The following LCOR variants were observed in gnomAD, a reference collection of about 807,000 sequenced individuals.
The protein encoded by LCOR is ligand-dependent corepressor.
A neutral mutation model predicts 64.4 loss-of-function variants in LCOR; 14 were observed. That is an observed-to-expected ratio of 0.22 (90% CI 0.14 to 0.34). The LOEUF (loss-of-function observed/expected upper bound fraction) is 0.34. LCOR is among the 10% of genes least tolerant of loss of function. The pLI is 1.00. For synonymous variants in LCOR, 643 were observed against 642.5 expected (o/e 1.00, Z -0.01); for missense variants, 1,686 against 1,765.3 (o/e 0.96, Z 0.80).
At chr10:96,835,174 A>G (rs1230481316) in intron 2 of LCOR, among the ~76,000 whole-genome samples, 1 of 152,102 alleles carries the variant, frequency 6.6e-6, no homozygotes, top group Non-Finnish European at 1.5e-5. Flanking sequence ...GCTGAAATTT[A>G]CAGGCGTGAG....
In LCOR at chr10:96,920,751, T is replaced by C. The variant is rs796537420; in HGVS notation, c.-184+13004T>C. Among the ~76,000 whole-genome samples, 748 of 118,862 alleles carry C rather than the reference T, an allele frequency of 6.3e-3. 12 individuals carry two copies. The highest frequency in any genetic ancestry group is 8.2e-3 in the Non-Finnish European group (509 of 61,750). The allele number at this position is 118,862 out of a possible 152,430, so 78.0% of individuals were successfully genotyped here. A position where few individuals can be genotyped will look rare whatever the true frequency, so the allele number is the denominator to read the frequency against. ...GTTCATATATATGTGTATATATGTATACACACACACACACACACACACACA... is the reference window on the plus strand; with the variant it reads ...GTTCATATATATGTGTATATATGTACACACACACACACACACACACACACA... On this transcript the variant is annotated intron_variant, in intron 4 of 7. Transcript: ENST00000421806.
rs142740088 is a variant in LCOR, at chr10:96,897,052, T to TGA, written c.-329-10192_-329-10191dup. Among the ~76,000 whole-genome samples the TGA allele has an allele frequency of 3.3e-3, 404 of 124,230 alleles. 2 individuals are homozygous for TGA. The highest frequency in any genetic ancestry group is 0.011 in the South Asian group (45 of 3,996). The allele number at this position is 124,230 out of a possible 152,430, so 81.5% of individuals were successfully genotyped here. On this transcript the variant is annotated intron_variant, in intron 2 of 7. Coordinates refer to ENST00000421806, the MANE Select transcript of LCOR (RefSeq NM_001346516.2). ...AGTTAACTCCATTATTCCCAAGGAA[T>TGA]GAGAGAGAGAGAGAGAGAGAGAAAG...
rs1470811319 is a variant in LCOR, at chr10:96,987,104, C to G, written c.*1970C>G. ...TTTAGTATCTTTGACTTTGGCCATT[C>G]AAGAGCTACCTACATTAATAAAACT... On this transcript the variant is annotated 3_prime_UTR_variant, in exon 8 of 8. Coordinates refer to ENST00000421806, the MANE Select transcript of LCOR (RefSeq NM_001346516.2). 1.3e-5 allele frequency: 2 copies of G among 152,090 alleles called. No homozygotes were observed. Among genetic ancestry groups the G allele is most frequent in the Non-Finnish European group, 2.9e-5 (2 of 68,034 alleles). The allele number at this position is 152,090 out of a possible 1,614,324, so 9.4% of individuals were successfully genotyped here.
chr10:96,983,359 G>A lies in LCOR; in HGVS notation c.2899G>A (p.Ala967Thr). The change falls in exon 8 of 8, where the codon GCT becomes ACT. Residue 967 changes from alanine to threonine, a missense_variant. Physicochemically the swap from Ala to Thr is moderately conservative, Grantham distance 58. This residue lies in a region of LCOR where 1,293 missense variants were observed against 1,410.4 expected (regional missense o/e 0.92). Transcript: ENST00000421806. This position sits in a 1 kb window ranked among gnomAD's most constrained non-coding sequence, Gnocchi z 4.5. ...KNAHIPSESI[A>T]CKRDPEQAKE... ...TGCTCATATCCCCTCAGAAAGTATTGCTTGTAAGAGGGACCCAGAACAGGC... is the reference window on the plus strand; with the variant it reads ...TGCTCATATCCCCTCAGAAAGTATTACTTGTAAGAGGGACCCAGAACAGGC... 2 of 1,614,174 alleles carry A rather than the reference G, an allele frequency of 1.2e-6. No individual in the cohort carries two copies. The highest frequency in any genetic ancestry group is 2.2e-5 in the South Asian group (2 of 91,088).
intron 4 of LCOR, among the ~76,000 whole-genome samples, chr10:96,931,971 C>CA (rs1847269445): frequency 6.6e-6 from 1 of 152,130 alleles, no homozygotes; most frequent in Non-Finnish European, 1.5e-5. Context: ...CTATTGTGAT[C>CA]AAAAACACAT....
rs774649827 is a variant in LCOR, at chr10:96,990,234, T to C, written c.*5100T>C. 2.0e-5 allele frequency: 3 copies of C among 152,040 alleles called. No individual in the cohort carries two copies. Among genetic ancestry groups the C allele is most frequent in the Non-Finnish European group, 4.4e-5 (3 of 68,010 alleles). 9.4% of individuals were successfully genotyped at this position (152,040 alleles called of 1,614,324 possible). A position where few individuals can be genotyped will look rare whatever the true frequency, so the allele number is the denominator to read the frequency against. ...CCCAGGCTGGAGTGCAATGGGCATA[T>C]GGTCTTATCTATTAGGGTATGTAGT... On this transcript the variant is annotated 3_prime_UTR_variant, in exon 8 of 8. Coordinates refer to ENST00000421806, the MANE Select transcript of LCOR (RefSeq NM_001346516.2).
At chr10:96,906,761 TACCTTCTTTACAAAAGTCTTGC>T (rs1479380879) in intron 2 of LCOR, among the ~76,000 whole-genome samples, 1 of 152,236 alleles carries the variant, frequency 6.6e-6, no homozygotes, top group African/African-American at 2.4e-5. Context: ...AAAAGTCTTG[TACCTTCTTTACAAAAGTCTTGC>T]ACCTTGTGTT....
At chr10:96,906,198 C>G (rs1241575274) in intron 2 of LCOR, among the ~76,000 whole-genome samples, 2 of 152,148 alleles carry the variant, frequency 1.3e-5, no homozygotes, top group Admixed American at 6.6e-5. Flanking sequence ...CACAGTGCCC[C>G]TAGCTACTAG....
Position 96,982,622 on chromosome 10 carries a change from G to T in LCOR, c.2162G>T (p.Gly721Val), listed in dbSNP as rs1192322059. 6.8e-6 allele frequency: 11 copies of T among 1,614,042 alleles called. No individual in the cohort carries two copies. Among genetic ancestry groups the T allele is most frequent in the Admixed American group, 3.3e-5 (2 of 60,012 alleles). Residue 721 changes from glycine (G) to valine (V), a missense_variant, in exon 8 of 8, where the codon GGA (glycine) becomes GTA (valine). Gly to Val is a moderately radical substitution (Grantham distance 109). This residue lies in a region of LCOR where 1,293 missense variants were observed against 1,410.4 expected (regional missense o/e 0.92). Coordinates refer to ENST00000421806, the MANE Select transcript of LCOR (RefSeq NM_001346516.2). ...PMGLEPPMSL[G>V]KAEDNQSISA... The stretch of plus-strand genomic sequence containing the variant: ...GGCTTGGAGCCCCCCATGAGTCTGG[G>T]AAAGGCTGAGGACAACCAAAGCATC...
rs184219978 is a variant in LCOR, at chr10:96,926,921, T to C, written c.-183-17192T>C. 8.5e-5 allele frequency among the ~76,000 whole-genome samples: 13 copies of C among 152,322 alleles called. No homozygotes were observed. In the East Asian group the frequency reaches 2.3e-3, roughly 27 times the overall value. ...ATAGCATGGATATGCTACAGTTTGT[T>C]TATCATTTCACTTTTTTATGGACTT... is the stretch of plus-strand genomic sequence containing the variant. On this transcript the variant is annotated intron_variant, in intron 4 of 7. Coordinates refer to ENST00000421806, the MANE Select transcript of LCOR (RefSeq NM_001346516.2).
chr10:96,915,043 C>T (rs1181303022), intron 4 of LCOR, among the ~76,000 whole-genome samples: 2 of 152,248 alleles, frequency 1.3e-5, no homozygotes, highest in East Asian at 1.9e-4. Flanking sequence ...ATGGTGCCCA[C>T]GTGTATCAAA....
At chr10:96,861,601 A>G (rs949698434) in intron 2 of LCOR, among the ~76,000 whole-genome samples, 4 of 151,788 alleles carry the variant, frequency 2.6e-5, no homozygotes, top group African/African-American at 9.7e-5. Context: ...GCTGGAGTTC[A>G]GTGGCATGAT....
At position 96,986,530 on chromosome 10, in the gene LCOR, A is replaced by G. The variant is rs988564550; in HGVS notation, c.*1396A>G. ...AAATGCTTGTAGTATCACTCCTGCC[A>G]TGTCATGTCAGGCTCTATTCCGTGT... is the stretch of plus-strand genomic sequence containing the variant. On this transcript the variant is annotated 3_prime_UTR_variant, in exon 8 of 8. Transcript: ENST00000421806. 6.6e-6 allele frequency: 1 copy of G among 152,206 alleles called. No homozygotes were observed. The highest frequency in any genetic ancestry group is 2.4e-5 in the African/African-American group (1 of 41,444). The allele number at this position is 152,206 out of a possible 1,614,324, so 9.4% of individuals were successfully genotyped here. A position where few individuals can be genotyped will look rare whatever the true frequency, so the allele number is the denominator to read the frequency against.
rs1848081026 is a variant in LCOR, at chr10:96,981,135, G to GA, written c.675_676insA (p.Pro226ThrfsTer4). ...ACTTGACGGAACAGACCCCGAAGAA[G>GA]CCTCCTCCTGAGATAAACCCTGTAG... On this transcript the variant is annotated frameshift_variant, in exon 8 of 8. Coordinates refer to ENST00000421806, the MANE Select transcript of LCOR (RefSeq NM_001346516.2). LOFTEE classifies it low-confidence loss of function (END_TRUNC). The GA allele has an allele frequency of 1.4e-6, 1 of 705,292 alleles. No individual in the cohort carries two copies. The highest frequency in any genetic ancestry group is 1.5e-5 in the South Asian group (1 of 67,636). 43.7% of individuals were successfully genotyped at this position (705,292 alleles called of 1,614,324 possible).
chr10:96,926,887 T>C (rs916108231), intron 4 of LCOR, among the ~76,000 whole-genome samples: 1 of 152,186 alleles, frequency 6.6e-6, no homozygotes, highest in Non-Finnish European at 1.5e-5. Flanking sequence ...TATTGCTGAG[T>C]AGTTCTCCAT....
intron 2 of LCOR, among the ~76,000 whole-genome samples, chr10:96,903,220 C>T (rs990310708): frequency 1.4e-4 from 21 of 152,108 alleles, no homozygotes; most frequent in Non-Finnish European, 1.0e-4. Flanking sequence ...TGTTGCTGTA[C>T]GCTACTGTAG....
intron 7 of LCOR, chr10:96,958,619 A>C: frequency 1.7e-6 from 1 of 596,778 alleles, no homozygotes; most frequent in South Asian, 2.0e-5. Context: ...CTGAGACCTG[A>C]AGATTGTAAT....
At chr10:96,836,829 G>A (rs934080920) in intron 2 of LCOR, among the ~76,000 whole-genome samples, 1 of 152,182 alleles carries the variant, frequency 6.6e-6, no homozygotes, top group Non-Finnish European at 1.5e-5. Flanking sequence ...CACATGATAG[G>A]TTTGCAAAGG....
intron 4 of LCOR, among the ~76,000 whole-genome samples, chr10:96,929,146 C>T (rs1027084984): frequency 6.6e-6 from 1 of 152,202 alleles, no homozygotes; most frequent in African/African-American, 2.4e-5. Flanking sequence ...GTCACCACTG[C>T]ATTAGACTCT....
Sources: gnomAD v4.1 joint callset for allele counts (sites outside exome capture counted in the v4.1 genomes callset) on GRCh38, gnomAD v4.1.1 for gene constraint, gnomAD v4.1.1 regional missense constraint, Gnocchi (gnomAD v3.1) non-coding constraint, MANE v1.5 for transcripts, NCBI Gene and HGNC (gene_info 2026-07-23, HGNC 2026-07-21) for gene names.